Variants in ATP6V1E2 observed in about 807,000 individuals in gnomAD.
The protein encoded by ATP6V1E2 is V-type proton ATPase subunit E 2.
For missense variants in ATP6V1E2, 308 were observed against 273.3 expected (o/e 1.13, Z -0.90); for synonymous variants, 121 against 104.2 (o/e 1.16, Z -0.98).
intron 4 of ATP6V1E2, among the ~76,000 whole-genome samples, chr2:46,520,334 A>G (rs191524692): frequency 6.6e-6 from 1 of 152,352 alleles, no homozygotes; most frequent in East Asian, 1.9e-4. Flanking sequence ...GAGCAAAACA[A>G]CAAAACAAAC....
chr2:46,532,180 A>C (rs1394387306), intron 4 of ATP6V1E2, among the ~76,000 whole-genome samples: 1 of 152,074 alleles, frequency 6.6e-6, no homozygotes, highest in Non-Finnish European at 1.5e-5. Flanking sequence ...TTTTGAGTAA[A>C]TGTCTGTATA....
intron 4 of ATP6V1E2, among the ~76,000 whole-genome samples, chr2:46,526,111 T>C (rs1001399665): frequency 6.6e-6 from 1 of 152,158 alleles, no homozygotes; most frequent in African/African-American, 2.4e-5. Context: ...AAGTGTACAT[T>C]ATTTATTATT....
chr2:46,518,475 TACACACACACACACA>T (rs1666406534), intron 4 of ATP6V1E2, among the ~76,000 whole-genome samples: 1 of 105,614 alleles, frequency 9.5e-6, no homozygotes, highest in South Asian at 3.1e-4. Flanking sequence ...AAACATTTGT[TACACACACACACACA>T]ACACACACAC....
At chr2:46,522,958 A>C (rs540434996) in intron 4 of ATP6V1E2, among the ~76,000 whole-genome samples, 76 of 152,158 alleles carry the variant, frequency 5.0e-4, no homozygotes, top group Non-Finnish European at 8.8e-4. Context: ...ATGGTATCTC[A>C]TTGTGGTTTT....
At chr2:46,526,890 G>A (rs1666949214) in intron 4 of ATP6V1E2, among the ~76,000 whole-genome samples, 1 of 152,104 alleles carries the variant, frequency 6.6e-6, no homozygotes, top group Non-Finnish European at 1.5e-5. Context: ...TGGGGTATAT[G>A]CCTAGAAGTA....
chr2:46,537,536 G>T, intron 2 of ATP6V1E2: 1 of 151,936 alleles, frequency 6.6e-6, no homozygotes, highest in East Asian at 1.9e-4. Context: ...AGGAAAGAAG[G>T]TATGCTGAGT....
intron 4 of ATP6V1E2, chr2:46,528,093 T>A (rs1667011693): frequency 6.6e-6 from 1 of 152,236 alleles, no homozygotes. Context: ...AATCCAGAAT[T>A]CATTACAGGT....
rs193197744 is a variant in ATP6V1E2, at chr2:46,536,185, G to A, written c.-216-258C>T. ...GCAAAACATTAAGAGCGCTTGAGCC[G>A]AAGTTCTCAGAGGCTGGGCCATTCT... On this transcript the variant is annotated intron_variant, in intron 3 of 4. Transcript: ENST00000522587. 1.1e-4 allele frequency among the ~76,000 whole-genome samples: 17 copies of A among 152,320 alleles called. No homozygotes were observed. The East Asian group carries it at 2.1e-3, about 19-fold the overall frequency.
Position 46,512,396 on chromosome 2 carries a change from C to T in ATP6V1E2, c.316G>A (p.Val106Met). The T allele has an allele frequency of 6.2e-7, 1 of 1,614,190 alleles. No individual in the cohort carries two copies. Among genetic ancestry groups the T allele is most frequent in the East Asian group, 2.2e-5 (1 of 44,888 alleles). ...CCCTGGTAGACCTCTGGGTCCTCCA[C>T]AATCCTGCTGAGTCTCAGCTTCGCC... is the stretch of plus-strand genomic sequence containing the variant. ...SEAKLRLSRI[V>M]EDPEVYQGLL... is the part of the protein sequence containing the mutation. Residue 106 changes from valine to methionine, a missense_variant, in exon 5 of 5, where the codon GTG becomes ATG. Transcript: ENST00000522587.
chr2:46,516,345 G>A (rs1280604658), intron 4 of ATP6V1E2, among the ~76,000 whole-genome samples: 1 of 152,206 alleles, frequency 6.6e-6, no homozygotes. Context: ...CAACTATATG[G>A]AATGAAACCG....
chr2:46,521,110 C>T (rs1434889050), intron 4 of ATP6V1E2, among the ~76,000 whole-genome samples: 3 of 152,186 alleles, frequency 2.0e-5, no homozygotes, highest in Non-Finnish European at 4.4e-5. Context: ...ATGGGTCTCA[C>T]CATTTTGCTG....
chr2:46,520,611 T>G (rs1469028462), intron 4 of ATP6V1E2, among the ~76,000 whole-genome samples: 1 of 152,218 alleles, frequency 6.6e-6, no homozygotes, highest in African/African-American at 2.4e-5. Context: ...TGCCCATATA[T>G]TCAGGCCCAG....
chr2:46,523,715 G>A (rs1015396364), intron 4 of ATP6V1E2, among the ~76,000 whole-genome samples: 7 of 151,992 alleles, frequency 4.6e-5, no homozygotes, highest in African/African-American at 1.7e-4. Flanking sequence ...GCTATATGGG[G>A]TCTTCTTTGA....
chr2:46,541,242 T>A (rs1667750415), intron 2 of ATP6V1E2, 148 bp downstream of exon 2: 3 of 152,226 alleles, frequency 2.0e-5, no homozygotes, highest in Non-Finnish European at 4.4e-5. Flanking sequence ...TTTTCTGCCT[T>A]CCTCAACCTG....
At chr2:46,534,976 C>G (rs1318577645) in intron 4 of ATP6V1E2, 4 of 152,186 alleles carry the variant, frequency 2.6e-5, no homozygotes, top group African/African-American at 7.2e-5. Flanking sequence ...ATTCCAGGAG[C>G]CTGTTTTGCT....
At chr2:46,527,173 C>T (rs993577930) in intron 4 of ATP6V1E2, among the ~76,000 whole-genome samples, 1 of 152,160 alleles carries the variant, frequency 6.6e-6, no homozygotes, top group East Asian at 1.9e-4. Context: ...CCCACTTCAG[C>T]CTCCTGAGTA....
intron 2 of ATP6V1E2, among the ~76,000 whole-genome samples, chr2:46,538,628 AGTG>A (rs879731088): frequency 9.9e-5 from 15 of 151,832 alleles, no homozygotes; most frequent in Admixed American, 3.9e-4. Flanking sequence ...ATGGGGGAGT[AGTG>A]GTGGTGGTGG....
chr2:46,520,801 T>G (rs1233422191), intron 4 of ATP6V1E2, among the ~76,000 whole-genome samples: 2 of 152,162 alleles, frequency 1.3e-5, no homozygotes, highest in African/African-American at 4.8e-5. Context: ...TGCAGATAGG[T>G]GTTCATTTAA....
chr2:46,522,511 A>C (rs1233753909), intron 4 of ATP6V1E2, among the ~76,000 whole-genome samples: 1 of 152,086 alleles, frequency 6.6e-6, no homozygotes, highest in Non-Finnish European at 1.5e-5. Context: ...CTATTCCTGC[A>C]TTACTTTGCT....
Sources: gnomAD v4.1 joint callset for allele counts (sites outside exome capture counted in the v4.1 genomes callset) on GRCh38, gnomAD v4.1.1 for gene constraint, MANE v1.5 for transcripts, NCBI Gene and HGNC (gene_info 2026-07-23, HGNC 2026-07-21) for gene names.